The following SAMD5 variants were observed in gnomAD, a reference collection of about 807,000 sequenced individuals.
SAMD5 encodes sterile alpha motif domain-containing protein 5.
In SAMD5, 13 loss-of-function variants were observed where a neutral mutation model predicts 11.3. That is an observed-to-expected ratio of 1.15 (90% confidence interval 0.75 to 1.83). SAMD5 has a LOEUF of 1.83. SAMD5 is among the 40% of genes most tolerant of loss of function. SAMD5 has a pLI of 0.00. For missense variants in SAMD5, 255 were observed against 239.1 expected, an observed-to-expected ratio of 1.07 and a Z score of -0.44; for synonymous variants, 129 against 111.3, an observed-to-expected ratio of 1.16 and a Z score of -1.00.
the SAMD5 span, among the ~76,000 whole-genome samples, chr6:147,924,119 A>G: frequency 1.3e-5 from 2 of 151,998 alleles, no homozygotes; most frequent in African/African-American, 2.4e-5. Flanking sequence ...CAATTTTGGT[A>G]TATATGGGGA....
At chr6:147,626,063 A>G (rs1199205475) in intron 1 of SAMD5, among the ~76,000 whole-genome samples, 6 of 152,138 alleles carry the variant, frequency 3.9e-5, no homozygotes, top group Non-Finnish European at 8.8e-5. Flanking sequence ...GGGAGGGTAT[A>G]GGAAAAGCTT....
chr6:147,934,940 C>G, the SAMD5 span, among the ~76,000 whole-genome samples: 4 of 152,124 alleles, frequency 2.6e-5, no homozygotes, highest in Admixed American at 2.6e-4. Flanking sequence ...GAACTTCCCT[C>G]CTTGTGAGCC....
chr6:147,881,865 G>T, the SAMD5 span, among the ~76,000 whole-genome samples: 1 of 152,128 alleles, frequency 6.6e-6, no homozygotes, highest in Non-Finnish European at 1.5e-5. Flanking sequence ...CTTCGATCTG[G>T]GGGGATCGAT....
At chr6:147,753,488 A>G in the SAMD5 span, among the ~76,000 whole-genome samples, 1 of 152,160 alleles carries the variant, frequency 6.6e-6, no homozygotes, top group Admixed American at 6.5e-5. Context: ...CAGGCATGCA[A>G]TGTAAAATAA....
the SAMD5 span, among the ~76,000 whole-genome samples, chr6:147,910,051 T>G: frequency 3.5e-4 from 54 of 152,170 alleles, no homozygotes; most frequent in Non-Finnish European, 6.0e-4. Context: ...CATTTAGTTT[T>G]CATAGAACTT....
At chr6:147,625,545 A>G (rs1454824344) in intron 1 of SAMD5, among the ~76,000 whole-genome samples, 1 of 152,168 alleles carries the variant, frequency 6.6e-6, no homozygotes, top group Non-Finnish European at 1.5e-5. Context: ...AAAAGTATAG[A>G]TATAAGGATA....
chr6:147,833,508 A>G, the SAMD5 span, among the ~76,000 whole-genome samples: 1 of 152,210 alleles, frequency 6.6e-6, no homozygotes, highest in Non-Finnish European at 1.5e-5. Context: ...TATTGATTTG[A>G]CAAATCCTTT....
the SAMD5 span, among the ~76,000 whole-genome samples, chr6:147,756,577 ACT>A: frequency 1.3e-5 from 2 of 152,188 alleles, no homozygotes; most frequent in Non-Finnish European, 2.9e-5. Flanking sequence ...CAACATAGTT[ACT>A]TTCAGAACAA....
intron 1 of SAMD5, among the ~76,000 whole-genome samples, chr6:147,671,732 G>A (rs191237990): frequency 2.4e-4 from 36 of 151,968 alleles, no homozygotes; most frequent in South Asian, 2.3e-3. Flanking sequence ...TTATGTGTCC[G>A]TCCTATTTTT....
chr6:147,786,630 C>T, the SAMD5 span, among the ~76,000 whole-genome samples: 1 of 152,190 alleles, frequency 6.6e-6, no homozygotes, highest in Non-Finnish European at 1.5e-5. Flanking sequence ...GGAAAATTTT[C>T]TCAGGTGCAG....
intron 1 of SAMD5, among the ~76,000 whole-genome samples, chr6:147,531,929 T>C (rs1419576709): frequency 2.0e-5 from 3 of 152,174 alleles, no homozygotes; most frequent in African/African-American, 7.2e-5. Flanking sequence ...TATAATAATT[T>C]CTCTTGGAGA....
intron 1 of SAMD5, among the ~76,000 whole-genome samples, chr6:147,659,083 T>A (rs1402601855): frequency 6.6e-6 from 1 of 152,186 alleles, no homozygotes; most frequent in Admixed American, 6.5e-5. Context: ...CACTGCAGAT[T>A]ATGGCTTTGT....
chr6:147,838,531 G>GGCCCCC, the SAMD5 span, among the ~76,000 whole-genome samples: 1 of 127,706 alleles, frequency 7.8e-6, no homozygotes, highest in Non-Finnish European at 1.6e-5. Context: ...AGAATATCCT[G>GGCCCCC]CCCCCCCCCC....
At chr6:147,712,603 G>A (rs1791415154) in intron 1 of SAMD5, among the ~76,000 whole-genome samples, 1 of 152,120 alleles carries the variant, frequency 6.6e-6, no homozygotes, top group South Asian at 2.1e-4. Context: ...AGTTGAGATA[G>A]CATCTTGAGG....
intron 1 of SAMD5, among the ~76,000 whole-genome samples, chr6:147,734,481 C>A (rs1021086285): frequency 6.6e-6 from 1 of 151,966 alleles, no homozygotes; most frequent in African/African-American, 2.4e-5. Context: ...TTCTGGGAGA[C>A]CGAGGCGGGC....
the SAMD5 span, among the ~76,000 whole-genome samples, chr6:147,781,770 GCGCACACA>G: frequency 2.0e-4 from 14 of 70,006 alleles, no homozygotes; most frequent in African/African-American, 3.9e-4. Flanking sequence ...TAATTTGTGT[GCGCACACA>G]CACACACACA....
At chr6:147,708,119 A>C (rs548778421) in intron 1 of SAMD5, among the ~76,000 whole-genome samples, 28 of 152,272 alleles carry the variant, frequency 1.8e-4, no homozygotes, top group African/African-American at 6.5e-4. Flanking sequence ...GAACCTCAGA[A>C]TGTGACTGTA....
intron 1 of SAMD5, among the ~76,000 whole-genome samples, chr6:147,585,693 C>A (rs535702261): frequency 2.0e-5 from 3 of 152,094 alleles, no homozygotes; most frequent in Non-Finnish European, 4.4e-5. Flanking sequence ...TATTAAAAAC[C>A]AGCCATTTCT....
intron 1 of SAMD5, chr6:147,730,088 A>AG (rs774095499): frequency 2.5e-4 from 110 of 437,182 alleles, no homozygotes; most frequent in East Asian, 9.8e-4. Context: ...AAAAAAAAAA[A>AG]AAAAGAAAAG....
Sources: gnomAD v4.1 joint callset for allele counts (sites outside exome capture counted in the v4.1 genomes callset) on GRCh38, gnomAD v4.1.1 for gene constraint, MANE v1.5 for transcripts, NCBI Gene and HGNC (gene_info 2026-07-23, HGNC 2026-07-21) for gene names.